The following ZNRF3 variants were observed in gnomAD, a reference collection of about 807,000 sequenced individuals.
The protein encoded by ZNRF3 is E3 ubiquitin-protein ligase ZNRF3.
A neutral mutation model predicts 72.5 loss-of-function variants in ZNRF3; 23 were observed. That is an observed-to-expected ratio of 0.32 (90% CI 0.23 to 0.45). The LOEUF (loss-of-function observed/expected upper bound fraction) is 0.45, where lower values mean the gene tolerates loss of function less well. Ranked by LOEUF, ZNRF3 falls within the 20% of genes least tolerant of loss-of-function variation. The pLI is 1.00. For missense variants in ZNRF3, 1,169 were observed against 1,272.1 expected, an observed-to-expected ratio of 0.92 and a Z score of 1.23; for synonymous variants, 610 against 545.3, an observed-to-expected ratio of 1.12 and a Z score of -1.65.
intron 5 of ZNRF3, among the ~76,000 whole-genome samples, chr22:29,045,463 C>G (rs1454140822): frequency 6.6e-6 from 1 of 151,622 alleles, no homozygotes; most frequent in Non-Finnish European, 1.5e-5. Flanking sequence ...ATATCTCCAG[C>G]AGGTGTTTCG....
At chr22:29,032,972 T>C (rs1601691863) in intron 2 of ZNRF3, among the ~76,000 whole-genome samples, 1 of 151,868 alleles carries the variant, frequency 6.6e-6, no homozygotes, top group South Asian at 2.1e-4. Flanking sequence ...TGGCAGGGGG[T>C]GGGTAATGTG....
At chr22:29,046,336 T>C (rs955053959) in intron 5 of ZNRF3, among the ~76,000 whole-genome samples, 1 of 152,196 alleles carries the variant, frequency 6.6e-6, no homozygotes, top group Admixed American at 6.5e-5. Context: ...GCTAAGCACT[T>C]ACACATTGTC....
chr22:28,996,011 A>G (rs999735389), intron 2 of ZNRF3, among the ~76,000 whole-genome samples: 3 of 152,218 alleles, frequency 2.0e-5, no homozygotes, highest in Non-Finnish European at 4.4e-5. Context: ...CCAGGGCTCA[A>G]GCAATCCACC....
chr22:29,029,864 C>G (rs527825938), intron 2 of ZNRF3, among the ~76,000 whole-genome samples: 1 of 152,234 alleles, frequency 6.6e-6, no homozygotes, highest in South Asian at 2.1e-4. Flanking sequence ...CACTGTTGTT[C>G]CTCGTTAAGC....
intron 8 of ZNRF3, 46 bp downstream of exon 8, chr22:29,050,994 G>C: frequency 6.7e-7 from 1 of 1,491,070 alleles, no homozygotes; most frequent in South Asian, 1.3e-5. Flanking sequence ...GTTTCCATCA[G>C]GGTCGTCTTG....
intron 2 of ZNRF3, among the ~76,000 whole-genome samples, chr22:28,991,619 C>T (rs1052088968): frequency 6.6e-6 from 1 of 151,950 alleles, no homozygotes; most frequent in Non-Finnish European, 1.5e-5. Flanking sequence ...GTTGGGTGCT[C>T]GCCGAGTGCT....
chr22:28,955,713 G>A (rs1331223111), intron 1 of ZNRF3, among the ~76,000 whole-genome samples: 1 of 151,484 alleles, frequency 6.6e-6, no homozygotes, highest in Non-Finnish European at 1.5e-5. Flanking sequence ...GAGCCCAGGA[G>A]TTCAAGACCA....
At chr22:28,892,997 C>G (rs987596377) in intron 1 of ZNRF3, among the ~76,000 whole-genome samples, 1 of 152,028 alleles carries the variant, frequency 6.6e-6, no homozygotes, top group Non-Finnish European at 1.5e-5. Flanking sequence ...GAAACCCCGT[C>G]TCTACTAAAG....
chr22:28,955,046 G>GTTTT (rs11413865), intron 1 of ZNRF3, among the ~76,000 whole-genome samples: 1 of 98,256 alleles, frequency 1.0e-5, no homozygotes, highest in Non-Finnish European at 2.3e-5. Flanking sequence ...TTTTTTTTTT[G>GTTTT]TTTTTTTTTT....
chr22:28,926,697 G>A (rs1477827599), intron 1 of ZNRF3, among the ~76,000 whole-genome samples: 2 of 151,082 alleles, frequency 1.3e-5, no homozygotes, highest in East Asian at 3.9e-4. Flanking sequence ...TACTCGGGAG[G>A]CTGAGGCAGG....
chr22:28,907,520 C>G (rs2034233324), intron 1 of ZNRF3, among the ~76,000 whole-genome samples: 1 of 152,164 alleles, frequency 6.6e-6, no homozygotes, highest in Admixed American at 6.5e-5. Context: ...CCCCACAGTG[C>G]CCAGATGGTG....
chr22:28,974,333 T>C (rs888161900), intron 1 of ZNRF3, among the ~76,000 whole-genome samples: 8 of 152,196 alleles, frequency 5.3e-5, no homozygotes, highest in Non-Finnish European at 1.0e-4. Context: ...GTGTTATACA[T>C]AGAGCCAATT....
intron 1 of ZNRF3, among the ~76,000 whole-genome samples, chr22:28,892,421 C>T (rs1241423563): frequency 6.6e-6 from 1 of 152,222 alleles, no homozygotes; most frequent in Non-Finnish European, 1.5e-5. Flanking sequence ...ACCTGTCTGT[C>T]ACTGTATGAG....
chr22:28,999,369 A>C (rs780242507), intron 2 of ZNRF3, among the ~76,000 whole-genome samples: 8 of 151,972 alleles, frequency 5.3e-5, no homozygotes, highest in Non-Finnish European at 1.2e-4. Context: ...TTAGCTGGGC[A>C]TGGTTAGCTA....
intron 1 of ZNRF3, among the ~76,000 whole-genome samples, chr22:28,931,080 G>A (rs2034697232): frequency 6.6e-6 from 1 of 152,192 alleles, no homozygotes; most frequent in Admixed American, 6.5e-5. Flanking sequence ...GAGTGACATC[G>A]TGAAGATTGT....
chr22:28,953,937 A>G (rs1228975901), intron 1 of ZNRF3, among the ~76,000 whole-genome samples: 1 of 152,180 alleles, frequency 6.6e-6, no homozygotes, highest in African/African-American at 2.4e-5. Context: ...CAGGTCACCC[A>G]CTGCCATTGA....
intron 1 of ZNRF3, among the ~76,000 whole-genome samples, chr22:28,949,189 G>A (rs1238681135): frequency 6.6e-6 from 1 of 152,088 alleles, no homozygotes; most frequent in African/African-American, 2.4e-5. Context: ...TGTTGGTCAG[G>A]CTGGTCTCGA....
At chr22:28,975,375 G>T (rs2035650836) in intron 1 of ZNRF3, among the ~76,000 whole-genome samples, 1 of 151,924 alleles carries the variant, frequency 6.6e-6, no homozygotes, top group Admixed American at 6.6e-5. Flanking sequence ...GGTGGCGGAC[G>T]CCTGTAGTCC....
At chr22:29,035,861 T>C (rs1273854427) in intron 2 of ZNRF3, among the ~76,000 whole-genome samples, 2 of 152,190 alleles carry the variant, frequency 1.3e-5, no homozygotes, top group Non-Finnish European at 2.9e-5. Flanking sequence ...ATTACAGGTG[T>C]GAGCCACTGC....
Sources: gnomAD v4.1 joint callset for allele counts (sites outside exome capture counted in the v4.1 genomes callset) on GRCh38, gnomAD v4.1.1 for gene constraint, MANE v1.5 for transcripts, NCBI Gene and HGNC (gene_info 2026-07-23, HGNC 2026-07-21) for gene names.